ATXN1: variants seen among roughly 807,000 people sequenced by gnomAD.
The protein encoded by ATXN1 is ataxin-1.
Under a neutral mutation model 56.4 loss-of-function variants are expected in ATXN1, and 8 were observed. The ratio of observed to expected loss-of-function variants is 0.14; its 90% CI spans 0.08 to 0.26. The LOEUF is 0.26. ATXN1 is among the 10% of genes least tolerant of loss of function. The pLI, the probability that ATXN1 is intolerant of heterozygous loss-of-function variation, is 1.00. For synonymous variants in ATXN1, 514 were observed against 494.6 expected (o/e 1.04, Z -0.52); for missense variants, 987 against 1,106.5 (o/e 0.89, Z 1.53).
At chr6:16,653,453 G>T (rs1388764149) in intron 3 of ATXN1, among the ~76,000 whole-genome samples, 1 of 152,236 alleles carries the variant, frequency 6.6e-6, no homozygotes, top group Non-Finnish European at 1.5e-5. Context: ...CCTAACAGCT[G>T]AAAGAAATAC....
At chr6:16,654,676 G>GC (rs1393240946) in intron 3 of ATXN1, among the ~76,000 whole-genome samples, 1 of 151,896 alleles carries the variant, frequency 6.6e-6, no homozygotes, top group Non-Finnish European at 1.5e-5. Flanking sequence ...TAGTCCCCAA[G>GC]CAACTGTCTT....
chr6:16,373,557 T>C (rs1762086597), intron 6 of ATXN1, among the ~76,000 whole-genome samples: 1 of 152,226 alleles, frequency 6.6e-6, no homozygotes, highest in Non-Finnish European at 1.5e-5. Context: ...TCCTGAATCG[T>C]AGCTCCCACA....
At chr6:16,594,483 T>TA (rs1561770789) in intron 3 of ATXN1, among the ~76,000 whole-genome samples, 1 of 151,330 alleles carries the variant, frequency 6.6e-6, no homozygotes, top group African/African-American at 2.4e-5. Context: ...CTTTTTTTTT[T>TA]TTTATTTATT....
At chr6:16,536,124 G>A (rs1761592453) in intron 4 of ATXN1, among the ~76,000 whole-genome samples, 1 of 152,098 alleles carries the variant, frequency 6.6e-6, no homozygotes, top group South Asian at 2.1e-4. Flanking sequence ...GGCTAAGATG[G>A]GAGGATTGCT....
At chr6:16,345,450 C>T (rs112959484) in intron 6 of ATXN1, among the ~76,000 whole-genome samples, 3 of 152,192 alleles carry the variant, frequency 2.0e-5, no homozygotes, top group African/African-American at 4.8e-5. Context: ...ACAAAGACAA[C>T]AATTTTGTTG....
rs534940469 is a variant in ATXN1 at position 16,515,619 on chromosome 6, T to G, written c.-299+7008A>C. On this transcript the variant is annotated intron_variant, in intron 5 of 7. Transcript: ENST00000436367. ...TCCCTGTCCAAGGCAGTCTCCCCCT[T>G]TCTCTCTATGAGCTGTCCATTCTCC... Among the ~76,000 whole-genome samples the G allele has an allele frequency of 2.0e-5, 3 of 152,302 alleles. No individual in the cohort carries two copies. The South Asian group carries it at 6.2e-4, about 32-fold the overall frequency.
chr6:16,487,172 GACA>G (rs915854871), intron 5 of ATXN1, among the ~76,000 whole-genome samples: 30 of 152,274 alleles, frequency 2.0e-4, no homozygotes, highest in African/African-American at 7.2e-4. Flanking sequence ...CTTTGAGGAT[GACA>G]AGAAACAGAA....
intron 6 of ATXN1, among the ~76,000 whole-genome samples, chr6:16,383,550 A>G (rs1174806343): frequency 6.6e-6 from 1 of 152,358 alleles, no homozygotes; most frequent in Admixed American, 6.5e-5. Flanking sequence ...TTCTTAAAAT[A>G]TAAGTTGCCC....
intron 6 of ATXN1, among the ~76,000 whole-genome samples, chr6:16,460,780 T>C (rs1759976997): frequency 6.6e-6 from 1 of 152,190 alleles, no homozygotes; most frequent in Non-Finnish European, 1.5e-5. Flanking sequence ...GGGCAGGTTA[T>C]GCCATAGTTA....
In ATXN1 at chr6:16,305,096, G is replaced by T. The variant is rs1376646903; in HGVS notation, c.*1233C>A. On this transcript the variant is annotated 3_prime_UTR_variant, in exon 8 of 8. Coordinates refer to ENST00000436367, the MANE Select transcript of ATXN1 (RefSeq NM_001128164.2). The stretch of plus-strand genomic sequence containing the variant: ...TAGTTACAGTGTTGAAAAAAAGAAA[G>T]CAACTTAGTTTTTTTTGTTTTTGTT... The T allele has an allele frequency of 6.6e-6, 1 of 152,600 alleles. No individual in the cohort carries two copies. Among genetic ancestry groups the T allele is most frequent in the African/African-American group, 2.4e-5 (1 of 41,456 alleles). The allele number at this position is 152,600 out of a possible 1,614,324, so 9.5% of individuals were successfully genotyped here. A position where few individuals can be genotyped will look rare whatever the true frequency, so the allele number is the denominator to read the frequency against.
At chr6:16,389,719 C>T (rs1157540801) in intron 6 of ATXN1, among the ~76,000 whole-genome samples, 1 of 152,196 alleles carries the variant, frequency 6.6e-6, no homozygotes, top group African/African-American at 2.4e-5. Flanking sequence ...TAATGGAAAG[C>T]ACTAACTAAA....
At chr6:16,370,009 C>A (rs1366027504) in intron 6 of ATXN1, among the ~76,000 whole-genome samples, 1 of 152,192 alleles carries the variant, frequency 6.6e-6, no homozygotes, top group African/African-American at 2.4e-5. Context: ...CATCTTCCCT[C>A]CTCTACCATT....
intron 6 of ATXN1, among the ~76,000 whole-genome samples, chr6:16,439,784 T>G (rs539344721): frequency 6.6e-6 from 1 of 152,288 alleles, no homozygotes; most frequent in African/African-American, 2.4e-5. Context: ...ATTAAAAAAT[T>G]AAAGTGGGGC....
intron 3 of ATXN1, among the ~76,000 whole-genome samples, chr6:16,626,332 C>T (rs1008678855): frequency 6.6e-6 from 1 of 152,190 alleles, no homozygotes; most frequent in African/African-American, 2.4e-5. Context: ...GTTGCCCAGG[C>T]TGGAGTGCAG....
intron 6 of ATXN1, among the ~76,000 whole-genome samples, chr6:16,425,528 G>A (rs1759135156): frequency 6.6e-6 from 1 of 152,062 alleles, no homozygotes; most frequent in South Asian, 2.1e-4. Flanking sequence ...CATTCTTCAG[G>A]TATTACTTTG....
intron 2 of ATXN1, chr6:16,737,010 C>T (rs1760158183): frequency 6.6e-6 from 1 of 152,180 alleles, no homozygotes; most frequent in Non-Finnish European, 1.5e-5. Context: ...TTTCCTGTTT[C>T]CTTGCCAGTA....
At chr6:16,625,759 G>A (rs1315224399) in intron 3 of ATXN1, among the ~76,000 whole-genome samples, 4 of 151,714 alleles carry the variant, frequency 2.6e-5, no homozygotes, top group South Asian at 2.1e-4. Context: ...TCCCCTCTTC[G>A]AAAAATGCAG....
At chr6:16,725,629 T>C (rs1039838237) in intron 2 of ATXN1, among the ~76,000 whole-genome samples, 4 of 152,198 alleles carry the variant, frequency 2.6e-5, no homozygotes, top group Non-Finnish European at 5.9e-5. Context: ...ATCAGTAAGG[T>C]CAATAATCAC....
chr6:16,377,062 A>C (rs143085342), intron 6 of ATXN1, among the ~76,000 whole-genome samples: 3 of 152,256 alleles, frequency 2.0e-5, no homozygotes, highest in Non-Finnish European at 4.4e-5. Context: ...GTGCCCATCT[A>C]TAAGGGACCC....
Sources: gnomAD v4.1 joint callset for allele counts (sites outside exome capture counted in the v4.1 genomes callset) on GRCh38, gnomAD v4.1.1 for gene constraint, MANE v1.5 for transcripts, NCBI Gene and HGNC (gene_info 2026-07-23, HGNC 2026-07-21) for gene names.